The following CAMK2D variants were observed in gnomAD, a reference collection of about 807,000 sequenced individuals.
The protein encoded by CAMK2D is calcium/calmodulin-dependent protein kinase type II subunit delta.
CAMK2D carries 37 observed loss-of-function variants against 84.0 expected under a neutral mutation model. That is an observed-to-expected ratio of 0.44 (90% CI 0.34 to 0.58). The LOEUF (loss-of-function observed/expected upper bound fraction) is 0.58, where lower values mean the gene tolerates loss of function less well. Ranked by LOEUF, CAMK2D falls within the 20% of genes least tolerant of loss-of-function variation. The pLI is 0.02. For missense variants in CAMK2D, 448 were observed against 652.5 expected, an observed-to-expected ratio of 0.69 and a Z score of 3.41; for synonymous variants, 202 against 212.5, an observed-to-expected ratio of 0.95 and a Z score of 0.43.
intron 2 of CAMK2D, among the ~76,000 whole-genome samples, chr4:113,686,054 TTC>T (rs1364330138): frequency 2.0e-5 from 3 of 150,324 alleles, no homozygotes; most frequent in Admixed American, 6.6e-5. Flanking sequence ...CAGAAAGAGA[TTC>T]TGTCTCAAAA....
At chr4:113,610,432 A>C (rs1394575486) in intron 3 of CAMK2D, among the ~76,000 whole-genome samples, 1 of 152,232 alleles carries the variant, frequency 6.6e-6, no homozygotes, top group Non-Finnish European at 1.5e-5. Flanking sequence ...TGAATTTATA[A>C]GAACATTCAG....
At chr4:113,754,325 A>G (rs1389720734) in intron 2 of CAMK2D, 2 of 982,140 alleles carry the variant, frequency 2.0e-6, no homozygotes, top group East Asian at 1.1e-4. Context: ...CAACCTCAGT[A>G]TAAGCCCAAG....
At chr4:113,515,579 G>C (rs1309564848) in intron 9 of CAMK2D, among the ~76,000 whole-genome samples, 1 of 152,108 alleles carries the variant, frequency 6.6e-6, no homozygotes. Flanking sequence ...AAAGCAAACA[G>C]GTTGCTACAT....
chr4:113,670,763 C>T (rs1013387859), intron 2 of CAMK2D, among the ~76,000 whole-genome samples: 6 of 129,504 alleles, frequency 4.6e-5, no homozygotes, highest in African/African-American at 1.4e-4. Context: ...ACTAAAAATA[C>T]AAAAAAAAAA....
chr4:113,652,990 T>G (rs950948492), intron 3 of CAMK2D, among the ~76,000 whole-genome samples: 6 of 152,144 alleles, frequency 3.9e-5, no homozygotes, highest in African/African-American at 1.4e-4. Flanking sequence ...AAGAAACCAG[T>G]AACAAATGTA....
At chr4:113,675,523 G>A (rs2099314671) in intron 2 of CAMK2D, among the ~76,000 whole-genome samples, 1 of 152,100 alleles carries the variant, frequency 6.6e-6, no homozygotes, top group South Asian at 2.1e-4. Context: ...ATCAGAGAAT[G>A]CCCCTCCGTG....
chr4:113,608,336 A>T (rs57852312), intron 4 of CAMK2D, among the ~76,000 whole-genome samples: 1 of 152,048 alleles, frequency 6.6e-6, no homozygotes, highest in African/African-American at 2.4e-5. Context: ...TGTGGCATCA[A>T]ATTAAAATGC....
chr4:113,680,315 A>G (rs2099338987), intron 2 of CAMK2D, among the ~76,000 whole-genome samples: 1 of 152,186 alleles, frequency 6.6e-6, no homozygotes, highest in African/African-American at 2.4e-5. Flanking sequence ...GTCTCAAACC[A>G]GTGGAGCACT....
chr4:113,661,894 C>T (rs2099234376), intron 2 of CAMK2D, 122 bp from the exon 3 acceptor site: 2 of 588,448 alleles, frequency 3.4e-6, no homozygotes, highest in African/African-American at 1.9e-5. Flanking sequence ...CATTTTGAAA[C>T]AATGATAATT....
chr4:113,571,566 A>G (rs528159500), intron 4 of CAMK2D, among the ~76,000 whole-genome samples: 2 of 152,256 alleles, frequency 1.3e-5, no homozygotes, highest in African/African-American at 4.8e-5. Context: ...CTAACTTATA[A>G]TGTGCAGTTT....
rs540348326 is a variant in CAMK2D at position 113,702,983 on chromosome 4, T to C, written c.161-41211A>G. On this transcript the variant is annotated intron_variant, in intron 2 of 20. Transcript: ENST00000511664. ...ATTTCATATTTACATCAAATCTTAA[T>C]TCAGACTAGACACATTTCATTTTAA... Among the ~76,000 whole-genome samples the C allele has an allele frequency of 1.9e-4, 29 of 152,310 alleles. No individual in the cohort carries two copies. The South Asian group carries it at 5.8e-3, about 30-fold the overall frequency.
chr4:113,527,344 C>T (rs2098425834), intron 8 of CAMK2D, among the ~76,000 whole-genome samples: 1 of 151,826 alleles, frequency 6.6e-6, no homozygotes, highest in Admixed American at 6.6e-5. Flanking sequence ...ACTCAAGATC[C>T]TCCTGGGTTG....
At chr4:113,583,549 C>T (rs570366503) in intron 4 of CAMK2D, among the ~76,000 whole-genome samples, 2 of 152,190 alleles carry the variant, frequency 1.3e-5, no homozygotes, top group East Asian at 1.9e-4. Flanking sequence ...CTCCAAAATA[C>T]GAGGGAGCAG....
At chr4:113,457,018 G>A in intron 19 of CAMK2D, 1 of 261,864 alleles carries the variant, frequency 3.8e-6, no homozygotes, top group Non-Finnish European at 7.0e-6. Flanking sequence ...TCTGTCAATT[G>A]AGAAGATGAA....
At position 113,607,086 on chromosome 4, in the gene CAMK2D, C is replaced by T. The variant is rs145187158; in HGVS notation, c.275+2066G>A. Among the ~76,000 whole-genome samples, 843 of 151,892 alleles carry T rather than the reference C, an allele frequency of 5.6e-3. 4 individuals are homozygous for T. Among genetic ancestry groups the T allele is most frequent in the Middle Eastern group, 0.02 (6 of 294 alleles). ...CGAGACAAGCTCAGAAAAAGGAATA[C>T]TAACAATTTGTTGCTAGCATACCTA... On this transcript the variant is annotated intron_variant, in intron 4 of 20. Transcript: ENST00000511664.
chr4:113,609,217 A>G lies in CAMK2D; in HGVS notation c.221-11T>C. On this transcript the variant is annotated splice_polypyrimidine_tract_variant and intron_variant, in intron 3 of 20. Coordinates refer to ENST00000511664, the MANE Select transcript of CAMK2D (RefSeq NM_001321571.2). ...TATCATGAAGTCGCACTAGAAAAAAATAAGAGAAGAAAAATTGTGTTATAC... is the reference window on the plus strand; with the variant it reads ...TATCATGAAGTCGCACTAGAAAAAAGTAAGAGAAGAAAAATTGTGTTATAC... The G allele has an allele frequency of 1.3e-6, 2 of 1,519,054 alleles. No homozygotes were observed. 94.1% of individuals were successfully genotyped at this position (1,519,054 alleles called of 1,614,324 possible).
chr4:113,695,839 A>G (rs1445986209), intron 2 of CAMK2D, among the ~76,000 whole-genome samples: 4 of 152,058 alleles, frequency 2.6e-5, no homozygotes, highest in African/African-American at 7.2e-5. Flanking sequence ...AAAACCTTCC[A>G]AATGGTCCCC....
At chr4:113,717,981 GAGA>G (rs1037573985) in intron 2 of CAMK2D, among the ~76,000 whole-genome samples, 2 of 151,934 alleles carry the variant, frequency 1.3e-5, no homozygotes, top group African/African-American at 4.8e-5. Flanking sequence ...GTGGCACAAG[GAGA>G]AGACTTAAAT....
intron 2 of CAMK2D, among the ~76,000 whole-genome samples, chr4:113,751,870 A>T (rs952245274): frequency 3.3e-5 from 5 of 152,200 alleles, no homozygotes; most frequent in African/African-American, 1.2e-4. Context: ...AGCATTGCCT[A>T]TATTTAAGAG....
Sources: allele counts gnomAD v4.1 joint callset (sites outside exome capture counted in the v4.1 genomes callset), GRCh38; gene constraint gnomAD v4.1.1; transcripts MANE v1.5; gene names NCBI Gene and HGNC (gene_info 2026-07-23, HGNC 2026-07-21).